Variants in ACOXL observed in about 807,000 individuals in gnomAD.
ACOXL encodes acyl-CoA oxidase like, also known as acyl-coenzyme A oxidase-like protein.
A neutral mutation model predicts 71.9 loss-of-function variants in ACOXL; 70 were observed. That is an observed-to-expected ratio of 0.97 (90% CI 0.80 to 1.19). ACOXL has a LOEUF of 1.19. ACOXL is among the 50% of genes most tolerant of loss of function. The pLI is 0.00. For missense variants in ACOXL, 703 were observed against 736.3 expected (o/e 0.95, Z 0.52); for synonymous variants, 253 against 281.6 (o/e 0.90, Z 1.02).
intron 2 of ACOXL, among the ~76,000 whole-genome samples, chr2:110,776,385 G>T (rs1201130763): frequency 6.6e-6 from 1 of 152,162 alleles, no homozygotes; most frequent in Non-Finnish European, 1.5e-5. Flanking sequence ...TAGTGCCAGA[G>T]AATTGTACAC....
intron 10 of ACOXL, among the ~76,000 whole-genome samples, chr2:110,883,789 G>A (rs927610032): frequency 6.6e-6 from 1 of 152,088 alleles, no homozygotes; most frequent in Non-Finnish European, 1.5e-5. Context: ...CATACATGCT[G>A]CCTTTGAACT....
chr2:111,100,816 C>T (rs1425251258), intron 17 of ACOXL: 2 of 152,678 alleles, frequency 1.3e-5, no homozygotes, highest in Non-Finnish European at 2.9e-5. Flanking sequence ...CGTTTCCTCC[C>T]TGAGTGAGGG....
At chr2:111,044,555 G>A (rs551378802) in intron 15 of ACOXL, among the ~76,000 whole-genome samples, 1 of 152,344 alleles carries the variant, frequency 6.6e-6, no homozygotes, top group South Asian at 2.1e-4. Flanking sequence ...GAAGCCCCAG[G>A]TGCAGGTTAT....
intron 9 of ACOXL, among the ~76,000 whole-genome samples, chr2:110,828,111 C>T (rs148630449): frequency 0.012 from 1,875 of 152,250 alleles, 15 homozygotes; most frequent in Non-Finnish European, 0.021. Context: ...GCTTGGACTA[C>T]AGGCACATGC....
At chr2:110,855,166 C>T (rs1693084831) in intron 10 of ACOXL, among the ~76,000 whole-genome samples, 1 of 152,152 alleles carries the variant, frequency 6.6e-6, no homozygotes, top group Admixed American at 6.5e-5. Flanking sequence ...TACCTGAAAG[C>T]AAGTGTAGAA....
chr2:110,776,694 C>G (rs903462940), intron 2 of ACOXL, among the ~76,000 whole-genome samples: 70 of 151,912 alleles, frequency 4.6e-4, no homozygotes, highest in African/African-American at 1.6e-3. Flanking sequence ...TGGTGACAAC[C>G]AGGGAGATGG....
chr2:110,794,031 AC>A, intron 4 of ACOXL, 44 bp from the exon 5 acceptor site: 1 of 1,595,756 alleles, frequency 6.3e-7, no homozygotes, highest in Non-Finnish European at 8.6e-7. Context: ...ATTTGGAGCA[AC>A]TGCCTGACCA....
At chr2:110,993,582 G>A (rs190849685) in intron 13 of ACOXL, among the ~76,000 whole-genome samples, 10 of 152,194 alleles carry the variant, frequency 6.6e-5, no homozygotes, top group South Asian at 2.1e-4. Flanking sequence ...GAGTAGAACC[G>A]CTATGAGCAT....
chr2:110,817,041 A>G (rs1316707836), intron 9 of ACOXL, among the ~76,000 whole-genome samples: 5 of 152,138 alleles, frequency 3.3e-5, no homozygotes, highest in Non-Finnish European at 7.4e-5. Context: ...TCCCTTAGCT[A>G]CGAAAGGGCA....
At chr2:111,098,350 T>C (rs2068925066) in intron 17 of ACOXL, 1 of 152,222 alleles carries the variant, frequency 6.6e-6, no homozygotes, top group Non-Finnish European at 1.5e-5. Flanking sequence ...ATAATGTTTT[T>C]TAAAAAGTTT....
At chr2:111,116,618 T>C (rs1485010937) in intron 17 of ACOXL, among the ~76,000 whole-genome samples, 6 of 126,372 alleles carry the variant, frequency 4.7e-5, no homozygotes, top group African/African-American at 2.0e-4. Flanking sequence ...GTGTAAGTGA[T>C]GTTGTTAAAC....
Position 111,051,412 on chromosome 2 carries a change from A to C in ACOXL, c.1440+2124A>C, listed in dbSNP as rs555150236. ...CAGACTGTCTGAAATAAATTCCCAC[A>C]TTTAACTTAACCTCATGAAAACTTG... On this transcript the variant is annotated intron_variant, in intron 16 of 17. Coordinates refer to ENST00000439055, the MANE Select transcript of ACOXL (RefSeq NM_001142807.4). Among the ~76,000 whole-genome samples, 3 of 152,332 alleles carry C rather than the reference A, an allele frequency of 2.0e-5. No homozygotes were observed. The East Asian group carries it at 5.8e-4, about 29-fold the overall frequency.
intron 12 of ACOXL, 146 bp downstream of exon 12, chr2:110,933,788 A>G: frequency 2.9e-6 from 3 of 1,036,798 alleles, no homozygotes; most frequent in Non-Finnish European, 4.1e-6. Context: ...TACCAGCCTC[A>G]TAGTCTTGTG....
intron 12 of ACOXL, among the ~76,000 whole-genome samples, chr2:110,944,747 T>C (rs2061031373): frequency 6.6e-6 from 1 of 152,242 alleles, no homozygotes; most frequent in Non-Finnish European, 1.5e-5. Context: ...AGTCTATTAT[T>C]GATGGGCATT....
intron 5 of ACOXL, chr2:110,795,522 C>G (rs142245599): frequency 6.6e-6 from 1 of 152,348 alleles, no homozygotes; most frequent in East Asian, 1.9e-4. Flanking sequence ...GCTAAGCAGT[C>G]TACTTGTAAC....
At chr2:110,969,762 G>C (rs2062097742) in intron 12 of ACOXL, among the ~76,000 whole-genome samples, 1 of 151,270 alleles carries the variant, frequency 6.6e-6, no homozygotes, top group African/African-American at 2.4e-5. Flanking sequence ...AGTGAGCCAA[G>C]ATTGTGCCAC....
chr2:110,995,492 T>C (rs774761461), intron 13 of ACOXL, among the ~76,000 whole-genome samples: 116 of 3,840 alleles, frequency 0.03, 1 homozygote, highest in Non-Finnish European at 0.052. Context: ...AGAGTGAGAC[T>C]CTGTCTCAAA....
intron 10 of ACOXL, among the ~76,000 whole-genome samples, chr2:110,904,911 A>G (rs1343952798): frequency 6.6e-6 from 1 of 152,126 alleles, no homozygotes; most frequent in Non-Finnish European, 1.5e-5. Context: ...CAGATAAAGG[A>G]AGCAGCGGGA....
chr2:110,794,191 TCTC>T lies in ACOXL; in HGVS notation c.345+20_345+22del, dbSNP rs1354347942. The T allele has an allele frequency of 5.6e-6, 9 of 1,612,534 alleles. No individual in the cohort carries two copies. The highest frequency in any genetic ancestry group is 2.2e-5 in the East Asian group (1 of 44,886). ...TCTGCCCAGGTGAGGAATCCATCCT[TCTC>T]CTGCCGTGCAGGGGAGCTGGAAACC... On this transcript the variant is annotated intron_variant, in intron 5 of 17. Coordinates refer to ENST00000439055, the MANE Select transcript of ACOXL (RefSeq NM_001142807.4).
Sources: gnomAD v4.1 joint callset for allele counts (sites outside exome capture counted in the v4.1 genomes callset) on GRCh38, gnomAD v4.1.1 for gene constraint, MANE v1.5 for transcripts, NCBI Gene and HGNC (gene_info 2026-07-23, HGNC 2026-07-21) for gene names.